Variants in LDHAL6A observed in about 807,000 individuals in gnomAD.
LDHAL6A encodes the protein L-lactate dehydrogenase A-like 6A.
In LDHAL6A, 19 loss-of-function variants were observed where a neutral mutation model predicts 28.2. The observed-to-expected ratio is 0.67, with a 90% CI of 0.47 to 0.99. The LOEUF is 0.99. LDHAL6A is among the 50% of genes least tolerant of loss of function. LDHAL6A has a pLI of 0.00. For synonymous variants in LDHAL6A, 144 were observed against 134.4 expected (o/e 1.07, Z -0.49); for missense variants, 372 against 398.6 (o/e 0.93, Z 0.57).
Position 18,456,601 on chromosome 11 carries a change from G to C in LDHAL6A, c.-80G>C, listed in dbSNP as rs1012155904. The C allele has an allele frequency of 5.1e-6, 7 of 1,370,852 alleles. No individual in the cohort carries two copies. Among genetic ancestry groups the C allele is most frequent in the Admixed American group, 1.8e-5 (1 of 56,410 alleles). The allele number at this position is 1,370,852 out of a possible 1,614,324, so 84.9% of individuals were successfully genotyped here. On this transcript the variant is annotated 5_prime_UTR_variant, in exon 1 of 7. Coordinates refer to ENST00000280706, the MANE Select transcript of LDHAL6A (RefSeq NM_144972.5). The stretch of plus-strand genomic sequence containing the variant: ...GTTCTCTATACGCGCTCTCACCGCA[G>C]GTCTTGGAATTCCAAGCCATTTCCA...
intron 3 of LDHAL6A, among the ~76,000 whole-genome samples, chr11:18,473,378 AAGGT>A (rs903956463): frequency 1.3e-5 from 2 of 150,414 alleles, no homozygotes; most frequent in Admixed American, 6.6e-5. Flanking sequence ...TTGATAGATG[AAGGT>A]AGGTAGGTAG....
At chr11:18,476,233 C>A (rs1167325012) in intron 4 of LDHAL6A, 151 bp from the exon 5 acceptor site, 1 of 803,124 alleles carries the variant, frequency 1.2e-6, no homozygotes, top group African/African-American at 1.8e-5. Flanking sequence ...CTGTGGAGAT[C>A]TAGATTTAGA....
intron 1 of LDHAL6A, among the ~76,000 whole-genome samples, chr11:18,461,857 AAAG>A (rs1258769843): frequency 7.9e-6 from 1 of 125,894 alleles, no homozygotes; most frequent in Non-Finnish European, 1.7e-5. Context: ...GTCTCAAAAA[AAAG>A]AAAAAAAAAA....
intron 5 of LDHAL6A, 173 bp downstream of exon 5, chr11:18,476,674 G>A: frequency 1.1e-6 from 1 of 934,336 alleles, no homozygotes; most frequent in Non-Finnish European, 1.3e-6. Context: ...CAACAGTCAG[G>A]AACTGATTCT....
chr11:18,469,483 T>C (rs1041019072), intron 3 of LDHAL6A, among the ~76,000 whole-genome samples: 1 of 152,222 alleles, frequency 6.6e-6, no homozygotes, highest in African/African-American at 2.4e-5. Flanking sequence ...ATTTAATTTA[T>C]TGACTAATAT....
chr11:18,467,262 A>G (rs1849099086), intron 3 of LDHAL6A, among the ~76,000 whole-genome samples: 1 of 152,200 alleles, frequency 6.6e-6, no homozygotes, highest in Non-Finnish European at 1.5e-5. Flanking sequence ...TTTGTTTCAC[A>G]GTTTTATAAA....
At chr11:18,467,904 T>TACACAC (rs1470548025) in intron 3 of LDHAL6A, among the ~76,000 whole-genome samples, 1 of 72,974 alleles carries the variant, frequency 1.4e-5, no homozygotes, top group African/African-American at 6.8e-5. Flanking sequence ...TATATATATA[T>TACACAC]ATATATATAT....
intron 5 of LDHAL6A, 76 bp from the exon 6 acceptor site, chr11:18,477,544 T>C (rs1279985600): frequency 6.6e-6 from 9 of 1,353,850 alleles, no homozygotes; most frequent in Non-Finnish European, 9.0e-6. Flanking sequence ...GTGGCATTGT[T>C]AGATACATTG....
Position 18,477,008 on chromosome 11 carries a change from G to A in LDHAL6A, c.710+507G>A, listed in dbSNP as rs538816055. On this transcript the variant is annotated intron_variant, in intron 5 of 6. Transcript: ENST00000280706. ...GTGGGAGGATCACTTGAGCCCAGGA[G>A]TATGAGACCAGCCTGGGCAACATAG... 2.6e-5 allele frequency among the ~76,000 whole-genome samples: 4 copies of A among 151,966 alleles called. 1 individual carries two copies. The highest frequency in any genetic ancestry group is 9.6e-5 in the African/African-American group (4 of 41,462).
In LDHAL6A at chr11:18,464,572, G is replaced by A. The variant is rs188506153; in HGVS notation, c.244+494G>A. ...TCTATTAAAAACATAAAAATTAGCC[G>A]GGCGTGGTGGTGCATGCCTGTAACC... On this transcript the variant is annotated intron_variant, in intron 2 of 6. Transcript: ENST00000280706. Among the ~76,000 whole-genome samples, 23 of 152,092 alleles carry A rather than the reference G, an allele frequency of 1.5e-4. No individual in the cohort carries two copies. In the East Asian group the frequency reaches 2.1e-3, roughly 14 times the overall value.
At chr11:18,459,982 T>A (rs1848856489) in intron 1 of LDHAL6A, among the ~76,000 whole-genome samples, 1 of 152,218 alleles carries the variant, frequency 6.6e-6, no homozygotes, top group Non-Finnish European at 1.5e-5. Flanking sequence ...TCACATCATA[T>A]CCCGGCTACA....
At chr11:18,475,717 C>T in intron 4 of LDHAL6A, 78 bp downstream of exon 4, 1 of 1,261,906 alleles carries the variant, frequency 7.9e-7, no homozygotes, top group Non-Finnish European at 1.1e-6. Context: ...AAAGTAGCTC[C>T]TGGGAGGGGA....
chr11:18,471,256 C>T (rs551600650), intron 3 of LDHAL6A, among the ~76,000 whole-genome samples: 1 of 147,790 alleles, frequency 6.8e-6, no homozygotes, highest in African/African-American at 2.5e-5. Flanking sequence ...GTTGCTCAGG[C>T]TGGAGTGCAG....
intron 4 of LDHAL6A, 113 bp downstream of exon 4, chr11:18,475,752 C>T: frequency 2.5e-6 from 2 of 814,632 alleles, no homozygotes. Context: ...CCACTTTAGG[C>T]CCTTTTAGTA....
At chr11:18,462,838 A>AAAAAAC (rs990675691) in intron 1 of LDHAL6A, among the ~76,000 whole-genome samples, 1 of 151,570 alleles carries the variant, frequency 6.6e-6, no homozygotes, top group African/African-American at 2.4e-5. Context: ...CCATCTCAAA[A>AAAAAAC]AAAAACAAAA....
chr11:18,463,960 G>A lies in LDHAL6A; in HGVS notation c.127-1G>A. The A allele has an allele frequency of 6.2e-7, 1 of 1,605,334 alleles. No homozygotes were observed. Among genetic ancestry groups the A allele is most frequent in the Non-Finnish European group, 8.5e-7 (1 of 1,172,428 alleles). On this transcript the variant is annotated splice_acceptor_variant, in intron 1 of 6. Coordinates refer to ENST00000280706, the MANE Select transcript of LDHAL6A (RefSeq NM_144972.5). LOFTEE classifies it high-confidence loss of function. ...CCCATTGGACTAACAATGTTTTTCA[G>A]GGTTTGAGTGATGAACTTGTCCTTG...
In LDHAL6A at chr11:18,455,889, TGCCAAGCATCACACC is replaced by T. The variant is rs1565063440; in HGVS notation, c.-791_-777del. 5.8e-5 allele frequency: 6 copies of T among 104,124 alleles called. No homozygotes were observed. Among genetic ancestry groups the T allele is most frequent in the African/African-American group, 3.2e-4 (6 of 18,750 alleles). 6.5% of individuals were successfully genotyped at this position (104,124 alleles called of 1,614,324 possible). ...CCTCACACCTGCCAAGCATCACACC[TGCCAAGCATCACACC>T]TGCCAAGCATCACACCTGCCAAGCA... On this transcript the variant is annotated 5_prime_UTR_variant, in exon 1 of 7. Coordinates refer to ENST00000280706, the MANE Select transcript of LDHAL6A (RefSeq NM_144972.5).
intron 6 of LDHAL6A, 110 bp from the exon 7 acceptor site, chr11:18,478,596 T>C (rs1590264529): frequency 1.2e-6 from 1 of 843,256 alleles, no homozygotes; most frequent in East Asian, 2.6e-5. Flanking sequence ...CTTGGTACTC[T>C]GCCATAGTTC....
intron 4 of LDHAL6A, among the ~76,000 whole-genome samples, chr11:18,475,970 C>T (rs1487438031): frequency 6.9e-6 from 1 of 145,840 alleles, no homozygotes; most frequent in African/African-American, 2.5e-5. Context: ...ATGTAGTAGG[C>T]AGTCTTCAGA....
Sources: gnomAD v4.1 joint callset for allele counts (sites outside exome capture counted in the v4.1 genomes callset) on GRCh38, gnomAD v4.1.1 for gene constraint, MANE v1.5 for transcripts, NCBI Gene and HGNC (gene_info 2026-07-23, HGNC 2026-07-21) for gene names.